ROBO1: variants seen among roughly 807,000 people sequenced by gnomAD.
The protein encoded by ROBO1 is roundabout guidance receptor 1.
In ROBO1, 149 loss-of-function variants were observed where a neutral mutation model predicts 195.9. The observed-to-expected ratio is 0.76, with a 90% confidence interval of 0.67 to 0.87. ROBO1 has a LOEUF of 0.87. Ranked by LOEUF, ROBO1 falls within the 40% of genes least tolerant of loss-of-function variation. The pLI is 0.00. For missense variants in ROBO1, 1,933 were observed against 2,068.3 expected (o/e 0.93, Z 1.27); for synonymous variants, 816 against 733.2 (o/e 1.11, Z -1.82).
At chr3:79,736,037 G>A (rs1447716775) in intron 1 of ROBO1, among the ~76,000 whole-genome samples, 1 of 152,154 alleles carries the variant, frequency 6.6e-6, no homozygotes, top group Non-Finnish European at 1.5e-5. Flanking sequence ...CCATTCTACA[G>A]TGCGTGTGTA....
intron 14 of ROBO1, 67 bp from the exon 15 acceptor site, chr3:78,662,181 G>T: frequency 1.4e-6 from 2 of 1,429,510 alleles, no homozygotes; most frequent in Non-Finnish European, 1.9e-6. Context: ...AAAGCATGGT[G>T]AAACAAACTG....
At chr3:79,213,283 A>G (rs1322041925) in intron 2 of ROBO1, among the ~76,000 whole-genome samples, 1 of 152,106 alleles carries the variant, frequency 6.6e-6, no homozygotes, top group Non-Finnish European at 1.5e-5. Flanking sequence ...AAGCTCACCA[A>G]GTTAGATCAT....
chr3:79,050,530 G>A (rs1439446718), intron 3 of ROBO1, among the ~76,000 whole-genome samples: 3 of 152,092 alleles, frequency 2.0e-5, no homozygotes, highest in Admixed American at 2.0e-4. Context: ...CTTGAACTCA[G>A]CTTTGGACCA....
At chr3:78,624,705 A>G (rs192825702) in intron 26 of ROBO1, among the ~76,000 whole-genome samples, 1 of 152,274 alleles carries the variant, frequency 6.6e-6, no homozygotes, top group East Asian at 1.9e-4. Flanking sequence ...TAATTTAAAT[A>G]GGAAAACAGA....
chr3:78,842,685 TATATC>T (rs1461397786), intron 4 of ROBO1, among the ~76,000 whole-genome samples: 4 of 150,970 alleles, frequency 2.6e-5, no homozygotes, highest in Non-Finnish European at 5.9e-5. Context: ...AGTATATTGA[TATATC>T]AGGTAGGCAA....
At chr3:78,964,324 T>C (rs2041562338) in intron 3 of ROBO1, among the ~76,000 whole-genome samples, 1 of 152,086 alleles carries the variant, frequency 6.6e-6, no homozygotes, top group Non-Finnish European at 1.5e-5. Context: ...GGGGACAAAA[T>C]TCAACCCGTA....
intron 2 of ROBO1, among the ~76,000 whole-genome samples, chr3:79,382,177 T>C (rs1045666937): frequency 6.6e-6 from 1 of 152,158 alleles, no homozygotes; most frequent in African/African-American, 2.4e-5. Context: ...CTATACTCCA[T>C]TCTCTTTTCC....
intron 4 of ROBO1, among the ~76,000 whole-genome samples, chr3:78,850,920 C>G (rs992362604): frequency 3.9e-5 from 6 of 151,990 alleles, no homozygotes; most frequent in Non-Finnish European, 7.4e-5. Context: ...GATTCTCCTG[C>G]CTCAGCCTCC....
At chr3:78,954,688 C>T (rs1175140339) in intron 3 of ROBO1, among the ~76,000 whole-genome samples, 1 of 151,714 alleles carries the variant, frequency 6.6e-6, no homozygotes, top group Admixed American at 6.6e-5. Flanking sequence ...TATATTAGAA[C>T]AAATTATATG....
intron 3 of ROBO1, among the ~76,000 whole-genome samples, chr3:78,980,731 T>TC (rs578247541): frequency 1.1e-3 from 171 of 152,158 alleles, no homozygotes; most frequent in African/African-American, 3.9e-3. Context: ...AGGTCTTTTT[T>TC]CCCCCTTGCT....
rs1233862110 is a variant in ROBO1, at chr3:79,031,489, G to A, written c.173-92562C>T. ...TTAGGTGCATATGTAGAATAATAAC[G>A]AAGCACAATGTTCATTTCTAAAATG... On this transcript the variant is annotated intron_variant, in intron 3 of 30. Coordinates refer to ENST00000464233, the MANE Select transcript of ROBO1 (RefSeq NM_002941.4). 2.0e-5 allele frequency among the ~76,000 whole-genome samples: 3 copies of A among 152,124 alleles called. No homozygotes were observed. In the East Asian group the frequency reaches 5.8e-4, roughly 29 times the overall value.
At chr3:79,357,726 G>A (rs1390881752) in intron 2 of ROBO1, among the ~76,000 whole-genome samples, 1 of 152,090 alleles carries the variant, frequency 6.6e-6, no homozygotes, top group Non-Finnish European at 1.5e-5. Context: ...TGCCAAATTG[G>A]ATTCCTTAAT....
chr3:78,867,175 A>G (rs2035234718), intron 4 of ROBO1, among the ~76,000 whole-genome samples: 1 of 152,188 alleles, frequency 6.6e-6, no homozygotes, highest in Non-Finnish European at 1.5e-5. Context: ...CTTTACCGCA[A>G]GCCCAAGCAA....
At chr3:79,467,577 C>G (rs74825712) in intron 2 of ROBO1, among the ~76,000 whole-genome samples, 5,208 of 151,852 alleles carry the variant, frequency 0.034, 205 homozygotes, top group African/African-American at 0.098. Flanking sequence ...TGTGGGACAG[C>G]CGAACTCCAG....
chr3:79,252,894 G>GAGAT (rs1220084263), intron 2 of ROBO1, among the ~76,000 whole-genome samples: 5 of 151,968 alleles, frequency 3.3e-5, no homozygotes, highest in Non-Finnish European at 7.4e-5. Context: ...CTCCCTCAAG[G>GAGAT]AGATAGATGT....
chr3:79,146,020 T>C (rs2080641533), intron 2 of ROBO1, among the ~76,000 whole-genome samples: 1 of 122,714 alleles, frequency 8.1e-6, no homozygotes, highest in Admixed American at 9.4e-5. Flanking sequence ...GGTAACTTCA[T>C]ATTAAAGATA....
At chr3:78,648,308 C>G (rs1470724829) in intron 19 of ROBO1, among the ~76,000 whole-genome samples, 4 of 151,962 alleles carry the variant, frequency 2.6e-5, no homozygotes, top group Non-Finnish European at 5.9e-5. Context: ...TTTTTATCAT[C>G]ATAAAAACTT....
chr3:79,180,769 T>A (rs4405871), intron 2 of ROBO1, among the ~76,000 whole-genome samples: 3,440 of 152,124 alleles, frequency 0.023, 109 homozygotes, highest in African/African-American at 0.074. Flanking sequence ...GACTGGGTGA[T>A]GGGCCCTAAG....
Position 79,236,242 on chromosome 3 carries a change from A to G in ROBO1, c.89-110703T>C, listed in dbSNP as rs530322853. Among the ~76,000 whole-genome samples, 14 of 152,282 alleles carry G rather than the reference A, an allele frequency of 9.2e-5. No homozygotes were observed. The South Asian group carries it at 2.7e-3, about 29-fold the overall frequency. On this transcript the variant is annotated intron_variant, in intron 2 of 30. Coordinates refer to ENST00000464233, the MANE Select transcript of ROBO1 (RefSeq NM_002941.4). ...TACTGACTTCTCTGTTTTACACTGC[A>G]GCGAAACCACCTGCATTACCTCTAC...
Sources: gnomAD v4.1 joint callset for allele counts (sites outside exome capture counted in the v4.1 genomes callset) on GRCh38, gnomAD v4.1.1 for gene constraint, MANE v1.5 for transcripts, NCBI Gene and HGNC (gene_info 2026-07-23, HGNC 2026-07-21) for gene names.